GRHL2: variants seen among roughly 807,000 people sequenced by gnomAD.
GRHL2 encodes grainyhead-like protein 2 homolog.
In GRHL2, 21 loss-of-function variants were observed where a neutral mutation model predicts 83.8. That is an observed-to-expected ratio of 0.25 (90% CI 0.18 to 0.36). The LOEUF (loss-of-function observed/expected upper bound fraction) is 0.36. Among genes scored for constraint, GRHL2 ranks in the 10% least tolerant of loss-of-function variants. GRHL2 has a pLI of 1.00. For missense variants in GRHL2, 623 were observed against 781.8 expected, an observed-to-expected ratio of 0.80 and a Z score of 2.42; for synonymous variants, 280 against 278.9, an observed-to-expected ratio of 1.00 and a Z score of -0.04.
At chr8:101,520,070 A>C (rs1586414794) in intron 1 of GRHL2, among the ~76,000 whole-genome samples, 2 of 152,206 alleles carry the variant, frequency 1.3e-5, no homozygotes, top group Admixed American at 1.3e-4. Context: ...TGTTTGCCCT[A>C]TCTCCTTTTC....
intron 8 of GRHL2, among the ~76,000 whole-genome samples, chr8:101,606,360 G>A (rs920370517): frequency 5.9e-5 from 9 of 152,152 alleles, no homozygotes; most frequent in African/African-American, 2.2e-4. Flanking sequence ...TTTCCTCTGG[G>A]CCCTATTTGC....
intron 8 of GRHL2, among the ~76,000 whole-genome samples, chr8:101,613,533 A>G (rs1015835404): frequency 1.3e-5 from 2 of 150,940 alleles, no homozygotes; most frequent in Admixed American, 1.3e-4. Flanking sequence ...AAAAAAATAG[A>G]TGGTTACCCA....
At chr8:101,537,922 T>A (rs553105621) in intron 1 of GRHL2, among the ~76,000 whole-genome samples, 40 of 152,326 alleles carry the variant, frequency 2.6e-4, no homozygotes, top group African/African-American at 9.4e-4. Flanking sequence ...TTTAAAAAAA[T>A]TTCTTTTCTT....
intron 7 of GRHL2, among the ~76,000 whole-genome samples, chr8:101,578,892 T>G (rs1372334361): frequency 3.9e-5 from 6 of 152,170 alleles, no homozygotes; most frequent in Non-Finnish European, 1.5e-5. Context: ...TAGTTACTGG[T>G]TTTTCTTGCA....
At chr8:101,493,585 C>T (rs1810021096) in intron 1 of GRHL2, among the ~76,000 whole-genome samples, 1 of 152,114 alleles carries the variant, frequency 6.6e-6, no homozygotes, top group South Asian at 2.1e-4. Flanking sequence ...TGCCACTGAG[C>T]GATTCACCCG....
chr8:101,614,771 TTTAG>T (rs1231586979), intron 8 of GRHL2, among the ~76,000 whole-genome samples: 1 of 152,200 alleles, frequency 6.6e-6, no homozygotes, highest in Non-Finnish European at 1.5e-5. Context: ...AAGCTAAGGC[TTTAG>T]TTAATGTCTT....
intron 1 of GRHL2, among the ~76,000 whole-genome samples, chr8:101,520,724 A>G (rs1810665025): frequency 6.6e-6 from 1 of 152,182 alleles, no homozygotes; most frequent in Non-Finnish European, 1.5e-5. Context: ...TCCTGGCATA[A>G]TCTGGCCTCT....
chr8:101,532,014 C>T (rs994096249), intron 1 of GRHL2, among the ~76,000 whole-genome samples: 40 of 152,190 alleles, frequency 2.6e-4, no homozygotes, highest in African/African-American at 8.9e-4. Flanking sequence ...TTCTCTTTCC[C>T]GAGCATAGCC....
chr8:101,572,016 A>G (rs1448796618), intron 5 of GRHL2, among the ~76,000 whole-genome samples: 2 of 152,180 alleles, frequency 1.3e-5, no homozygotes, highest in African/African-American at 4.8e-5. Flanking sequence ...TAGCTGTGAA[A>G]TGAGGAAGGT....
At chr8:101,611,635 C>T (rs1320711039) in intron 8 of GRHL2, among the ~76,000 whole-genome samples, 1 of 150,870 alleles carries the variant, frequency 6.6e-6, no homozygotes, top group Admixed American at 6.6e-5. Flanking sequence ...CTACTGAACA[C>T]AATGGCCTTT....
At chr8:101,639,958 G>A (rs1172404415) in intron 12 of GRHL2, among the ~76,000 whole-genome samples, 2 of 152,206 alleles carry the variant, frequency 1.3e-5, no homozygotes, top group Admixed American at 1.3e-4. Context: ...CCAGACTGAG[G>A]ATATAACACA....
Position 101,666,650 on chromosome 8 carries a change from C to CTGGAGA in GRHL2, c.1826_1827insGGAGAT (p.Leu609_Asn610insGluIle). 1 of 1,613,824 alleles carries CTGGAGA rather than the reference C, an allele frequency of 6.2e-7. No homozygotes were observed. The highest frequency in any genetic ancestry group is 1.1e-5 in the South Asian group (1 of 91,064). On this transcript the variant is annotated inframe_insertion, in exon 16 of 16. Coordinates refer to ENST00000646743, the MANE Select transcript of GRHL2 (RefSeq NM_024915.4). ...CTACTCGAACGAGGACACCTTCATC[C>CTGGAGA]TCAACATGGAGAGCATGGTGGAGGG...
intron 7 of GRHL2, among the ~76,000 whole-genome samples, chr8:101,594,611 G>T (rs1285740166): frequency 6.6e-6 from 1 of 152,250 alleles, no homozygotes. Flanking sequence ...TTTGAGAGTC[G>T]TGAAGTGGGA....
intron 9 of GRHL2, among the ~76,000 whole-genome samples, chr8:101,626,160 AG>A (rs994468939): frequency 1.3e-5 from 2 of 152,062 alleles, no homozygotes; most frequent in African/African-American, 4.8e-5. Context: ...AAAAGAGTTG[AG>A]GGCTATTCCA....
chr8:101,557,342 A>G (rs1200914783), intron 3 of GRHL2, among the ~76,000 whole-genome samples: 1 of 149,750 alleles, frequency 6.7e-6, no homozygotes, highest in East Asian at 2.0e-4. Context: ...CTCCCACCTC[A>G]GCCTCCCGAG....
chr8:101,658,330 C>T (rs1813844199), intron 14 of GRHL2, among the ~76,000 whole-genome samples: 1 of 152,176 alleles, frequency 6.6e-6, no homozygotes, highest in Non-Finnish European at 1.5e-5. Flanking sequence ...AGCCATCTGC[C>T]AGGTTGTTCC....
intron 7 of GRHL2, among the ~76,000 whole-genome samples, chr8:101,589,788 G>A (rs943481912): frequency 9.2e-5 from 14 of 152,044 alleles, no homozygotes; most frequent in African/African-American, 2.4e-4. Context: ...ATTAATAGAC[G>A]GGTCACTCTA....
intron 4 of GRHL2, among the ~76,000 whole-genome samples, chr8:101,560,449 T>C (rs1398222077): frequency 6.6e-6 from 1 of 152,228 alleles, no homozygotes; most frequent in Admixed American, 6.5e-5. Flanking sequence ...TTGGCTATTA[T>C]GAAAAATGCT....
At chr8:101,598,532 A>G (rs1812442984) in intron 7 of GRHL2, among the ~76,000 whole-genome samples, 1 of 142,560 alleles carries the variant, frequency 7.0e-6, no homozygotes. Flanking sequence ...GAGCCACCAC[A>G]CCCGGCCCCA....
Sources: gnomAD v4.1 joint callset for allele counts (sites outside exome capture counted in the v4.1 genomes callset) on GRCh38, gnomAD v4.1.1 for gene constraint, MANE v1.5 for transcripts, NCBI Gene and HGNC (gene_info 2026-07-23, HGNC 2026-07-21) for gene names.